Variants in NCALD observed in about 807,000 individuals in gnomAD.
NCALD encodes the protein neurocalcin-delta.
In NCALD, 10 loss-of-function variants were observed where a neutral mutation model predicts 18.6. The observed-to-expected ratio is 0.54, with a 90% CI of 0.33 to 0.91. NCALD has a LOEUF of 0.91. NCALD is among the 40% of genes least tolerant of loss of function. The probability of loss-of-function intolerance (pLI) is 0.03; values close to 1 mark genes in which losing one functional copy is unlikely to be tolerated. For synonymous variants in NCALD, 88 were observed against 87.4 expected (o/e 1.01, Z -0.04); for missense variants, 184 against 247.6 (o/e 0.74, Z 1.72).
rs115763286 is a variant in NCALD at position 101,822,519 on chromosome 8, G to A, written c.-20+64622C>T. ...TTAGATCCAAGCAGTGGGAGACATC[G>A]GTGGGCATGGAAAGGGCGAAGAGGG... On this transcript the variant is annotated intron_variant, in intron 4 of 6. Coordinates refer to the NCALD transcript ENST00000311028. Among the ~76,000 whole-genome samples the A allele has an allele frequency of 2.4e-3, 372 of 152,256 alleles. 3 individuals carry two copies. The highest frequency in any genetic ancestry group is 8.6e-3 in the African/African-American group (359 of 41,536).
chr8:102,110,115 C>A (rs545206393), intron 1 of NCALD, among the ~76,000 whole-genome samples: 1 of 152,304 alleles, frequency 6.6e-6, no homozygotes, highest in East Asian at 1.9e-4. Context: ...AGACCTTTAA[C>A]ACTGGCTCCC....
chr8:102,028,173 T>C (rs1039005481), intron 1 of NCALD, among the ~76,000 whole-genome samples: 5 of 152,376 alleles, frequency 3.3e-5, no homozygotes, highest in Non-Finnish European at 5.9e-5. Context: ...AGTATCATGA[T>C]ATCCTCAGTC....
At chr8:101,928,044 G>A (rs1818402893) in intron 2 of NCALD, among the ~76,000 whole-genome samples, 1 of 152,172 alleles carries the variant, frequency 6.6e-6, no homozygotes, top group Non-Finnish European at 1.5e-5. Flanking sequence ...TGTCAGGACT[G>A]CAATTTGAAT....
intron 2 of NCALD, among the ~76,000 whole-genome samples, chr8:102,000,954 T>C (rs887299461): frequency 6.6e-6 from 1 of 152,096 alleles, no homozygotes; most frequent in African/African-American, 2.4e-5. Context: ...CTGAAAAATC[T>C]AAAAATCAGA....
intron 2 of NCALD, among the ~76,000 whole-genome samples, chr8:101,927,277 T>C (rs1818369234): frequency 6.6e-6 from 1 of 152,146 alleles, no homozygotes; most frequent in Non-Finnish European, 1.5e-5. Context: ...ACCAGGAGTG[T>C]CCCACCAACA....
chr8:101,827,026 T>G (rs928693234), intron 4 of NCALD, among the ~76,000 whole-genome samples: 8 of 152,152 alleles, frequency 5.3e-5, no homozygotes, highest in African/African-American at 1.7e-4. Context: ...CAACAAAAAT[T>G]TATTATCTCA....
At chr8:101,784,329 CAAG>C (rs2130975761) in intron 1 of NCALD, among the ~76,000 whole-genome samples, 1 of 152,110 alleles carries the variant, frequency 6.6e-6, no homozygotes, top group East Asian at 1.9e-4. Flanking sequence ...GGGAAAATGT[CAAG>C]AAGAAAAAGA....
intron 1 of NCALD, among the ~76,000 whole-genome samples, chr8:102,051,934 A>C (rs186931999): frequency 1.5e-3 from 226 of 152,378 alleles, no homozygotes; most frequent in Non-Finnish European, 3.5e-4. Flanking sequence ...AATTTCAATA[A>C]AAACTAAAGT....
At chr8:101,821,568 T>C (rs893934662) in intron 4 of NCALD, among the ~76,000 whole-genome samples, 1 of 152,156 alleles carries the variant, frequency 6.6e-6, no homozygotes, top group Non-Finnish European at 1.5e-5. Context: ...TAGCTACACA[T>C]TTGTTGAGCC....
intron 4 of NCALD, among the ~76,000 whole-genome samples, chr8:101,818,379 A>G (rs1813586704): frequency 6.6e-6 from 1 of 152,334 alleles, no homozygotes; most frequent in Admixed American, 6.5e-5. Flanking sequence ...GGTAAGTACC[A>G]TGATTACAGA....
At chr8:101,763,966 C>CTCTCCA (rs1491550100) in intron 1 of NCALD, among the ~76,000 whole-genome samples, 2 of 85,298 alleles carry the variant, frequency 2.3e-5, no homozygotes, top group African/African-American at 7.9e-5. Flanking sequence ...CTCTCTCTCT[C>CTCTCCA]CACACACACA....
intron 1 of NCALD, among the ~76,000 whole-genome samples, chr8:102,092,331 C>T (rs1404803223): frequency 2.0e-5 from 3 of 152,226 alleles, no homozygotes; most frequent in African/African-American, 4.8e-5. Context: ...CAGCAGCCCT[C>T]GAGGCTGCTC....
At chr8:101,938,884 C>T (rs190153220) in intron 2 of NCALD, among the ~76,000 whole-genome samples, 348 of 152,288 alleles carry the variant, frequency 2.3e-3, no homozygotes, top group Middle Eastern at 6.8e-3. Context: ...CTTGTATTCA[C>T]GTTTGGAAAT....
rs1586449278 is a variant in NCALD at position 101,767,941 on chromosome 8, C to G, written c.-20+22921G>C. ...CTGCCCATAGTCAGTAACTGGGCAA[C>G]AGCTATATGTCAGGCGTGTGCCAAA... On this transcript the variant is annotated intron_variant, in intron 1 of 3. Coordinates refer to ENST00000220931, the MANE Select transcript of NCALD (RefSeq NM_032041.3). Among the ~76,000 whole-genome samples, 4 of 152,322 alleles carry G rather than the reference C, an allele frequency of 2.6e-5. No individual in the cohort carries two copies. In the East Asian group the frequency reaches 5.8e-4, roughly 22 times the overall value.
At chr8:102,047,565 A>C (rs1232376792) in intron 1 of NCALD, among the ~76,000 whole-genome samples, 1 of 152,220 alleles carries the variant, frequency 6.6e-6, no homozygotes, top group East Asian at 1.9e-4. Context: ...TTCAATAGTC[A>C]CATGGGCCCT....
intron 1 of NCALD, among the ~76,000 whole-genome samples, chr8:101,763,712 A>G (rs1438987039): frequency 6.6e-6 from 1 of 151,904 alleles, no homozygotes; most frequent in East Asian, 1.9e-4. Flanking sequence ...CAAAAATCTG[A>G]CCCTCCTCCA....
chr8:101,811,571 G>A (rs545478684), intron 4 of NCALD, among the ~76,000 whole-genome samples: 24 of 152,328 alleles, frequency 1.6e-4, no homozygotes, highest in East Asian at 9.6e-4. Context: ...CAACAAATGC[G>A]TGCTGAGTGC....
At chr8:101,985,659 G>A (rs1244192655) in intron 2 of NCALD, among the ~76,000 whole-genome samples, 1 of 152,156 alleles carries the variant, frequency 6.6e-6, no homozygotes, top group Non-Finnish European at 1.5e-5. Context: ...GAAAGAGGAT[G>A]AACATTAATG....
At chr8:102,121,698 G>C (rs970631909) in intron 1 of NCALD, among the ~76,000 whole-genome samples, 4 of 152,182 alleles carry the variant, frequency 2.6e-5, no homozygotes, top group African/African-American at 7.2e-5. Flanking sequence ...GGAAAGAGAA[G>C]GGTTCAGATC....
Sources: allele counts gnomAD v4.1 joint callset (sites outside exome capture counted in the v4.1 genomes callset), GRCh38; gene constraint gnomAD v4.1.1; transcripts MANE v1.5; gene names NCBI Gene and HGNC (gene_info 2026-07-23, HGNC 2026-07-21).